Variants in TRIM62 observed in about 807,000 individuals in gnomAD.
TRIM62 encodes the protein tripartite motif containing 62.
A neutral mutation model predicts 44.2 loss-of-function variants in TRIM62; 39 were observed. The ratio of observed to expected loss-of-function variants is 0.88; its 90% CI spans 0.68 to 1.15. TRIM62 has a LOEUF of 1.15. Ranked by LOEUF, TRIM62 falls within the 50% of genes most tolerant of loss-of-function variation. TRIM62 has a pLI of 0.00. For missense variants in TRIM62, 544 were observed against 665.5 expected (o/e 0.82, Z 2.01); for synonymous variants, 278 against 292.3 (o/e 0.95, Z 0.50).
Position 33,146,080 on chromosome 1 carries a change from C to T in TRIM62, c.*1097G>A, listed in dbSNP as rs1433231404. 3 of 350,104 alleles carry T rather than the reference C, an allele frequency of 8.6e-6. No individual in the cohort carries two copies. Among genetic ancestry groups the T allele is most frequent in the East Asian group, 1.6e-4 (2 of 12,512 alleles). 21.7% of individuals were successfully genotyped at this position (350,104 alleles called of 1,614,324 possible). A position where few individuals can be genotyped will look rare whatever the true frequency, so the allele number is the denominator to read the frequency against. On this transcript the variant is annotated 3_prime_UTR_variant, in exon 5 of 5. Transcript: ENST00000291416. ...CATAGTGGCTTCCTGCAGATGGGGG[C>T]AGCTTTCCTGGTCACAACAGACATG...
In TRIM62 at chr1:33,181,311, C is replaced by G; in HGVS notation, c.122G>C (p.Arg41Pro). Residue 41 changes from arginine to proline, a missense_variant, in exon 1 of 5, where the codon CGG becomes CCG. By Grantham distance (103) the Arg-to-Pro change is moderately radical (BLOSUM62 -2). Transcript: ENST00000291416. The surrounding 1 kb of genome is among the most constrained non-coding windows in gnomAD (Gnocchi z 6.5). ...GTCGCGGGCGCCCTGCGCCTCCTGCCGCACCCAGTGCTCCGTGATGCAGCG... is the reference window on the plus strand; with the variant it reads ...GTCGCGGGCGCCCTGCGCCTCCTGCGGCACCCAGTGCTCCGTGATGCAGCG... Reference protein sequence around the residue: ...CRRCITEHWVRQEAQGARDCP... With the variant: ...CRRCITEHWVPQEAQGARDCP... 1 of 1,563,658 alleles carries G rather than the reference C, an allele frequency of 6.4e-7. No homozygotes were observed. Among genetic ancestry groups the G allele is most frequent in the South Asian group, 1.2e-5 (1 of 86,244 alleles).
At chr1:33,153,431 C>G (rs534116795) in intron 4 of TRIM62, among the ~76,000 whole-genome samples, 1 of 152,362 alleles carries the variant, frequency 6.6e-6, no homozygotes, top group East Asian at 1.9e-4. Flanking sequence ...CCAGGGACAT[C>G]TGGCAAAGTC....
In TRIM62 at chr1:33,147,301, A is replaced by C. The variant is rs747388545; in HGVS notation, c.1304T>G (p.Met435Arg). ...GLLIFYNADD[M>R]SWLYTFREKF... is the part of the protein sequence containing the mutation. ...CTCGCGGAAGGTGTAGAGCCAGGACATGTCATCAGCATTGTAGAAGATGAG... is the reference window on the plus strand; with the variant it reads ...CTCGCGGAAGGTGTAGAGCCAGGACCTGTCATCAGCATTGTAGAAGATGAG... Residue 435 changes from methionine (M) to arginine (R), a missense_variant, in exon 5 of 5, where the codon ATG becomes AGG. Transcript: ENST00000291416. The surrounding 1 kb of genome is among the most constrained non-coding windows in gnomAD (Gnocchi z 8.1). 1 of 1,614,102 alleles carries C rather than the reference A, an allele frequency of 6.2e-7. No homozygotes were observed. The highest frequency in any genetic ancestry group is 1.3e-5 in the African/African-American group (1 of 75,010).
At chr1:33,171,451 G>A (rs1219330229) in intron 1 of TRIM62, among the ~76,000 whole-genome samples, 1 of 152,202 alleles carries the variant, frequency 6.6e-6, no homozygotes, top group Non-Finnish European at 1.5e-5. Context: ...CAGCTAGTAA[G>A]AGGCAGAGGG....
intron 4 of TRIM62, among the ~76,000 whole-genome samples, chr1:33,153,241 G>A (rs550270366): frequency 6.6e-6 from 1 of 152,324 alleles, no homozygotes; most frequent in Non-Finnish European, 1.5e-5. Flanking sequence ...GAGCCAGACT[G>A]ACTTCACAGG....
chr1:33,147,184 C>T lies in TRIM62; in HGVS notation c.1421G>A (p.Arg474His), dbSNP rs780488792. ...NVQPLRINTVRI is the reference protein window; with the variant it reads ...NVQPLRINTVHI Reference sequence around the variant, plus strand: ...GGTCTCCTTCTGCCTGGACTAGATGCGGACGGTGTTGATCCGCAGCGGCTG... The same window carrying T: ...GGTCTCCTTCTGCCTGGACTAGATGTGGACGGTGTTGATCCGCAGCGGCTG... The change falls in exon 5 of 5, where the codon CGC (arginine) becomes CAC (histidine). Residue 474 changes from arginine (R) to histidine (H), a missense_variant. By Grantham distance (29) the Arg-to-His change is conservative (BLOSUM62 0). Transcript: ENST00000291416. This position sits in a 1 kb window ranked among gnomAD's most constrained non-coding sequence, Gnocchi z 8.1. The T allele has an allele frequency of 1.6e-5, 26 of 1,613,122 alleles. No homozygotes were observed. The highest frequency in any genetic ancestry group is 2.7e-5 in the African/African-American group (2 of 74,894).
intron 4 of TRIM62, among the ~76,000 whole-genome samples, chr1:33,152,307 C>G (rs189562238): frequency 6.6e-6 from 1 of 152,248 alleles, no homozygotes; most frequent in African/African-American, 2.4e-5. Flanking sequence ...GGCTCACGCC[C>G]GTAATTCCAG....
chr1:33,162,139 G>A (rs370339886), intron 2 of TRIM62, among the ~76,000 whole-genome samples: 9 of 152,148 alleles, frequency 5.9e-5, no homozygotes, highest in African/African-American at 2.2e-4. Flanking sequence ...TCCTTCTAAA[G>A]TGCCAACTGA....
intron 1 of TRIM62, among the ~76,000 whole-genome samples, chr1:33,175,973 G>T (rs1645416095): frequency 6.6e-6 from 1 of 152,172 alleles, no homozygotes; most frequent in African/African-American, 2.4e-5. Flanking sequence ...TGTGGCCCGT[G>T]CTCAGCAAAG....
At chr1:33,153,925 G>T (rs1259051140) in intron 4 of TRIM62, among the ~76,000 whole-genome samples, 1 of 152,234 alleles carries the variant, frequency 6.6e-6, no homozygotes, top group Non-Finnish European at 1.5e-5. Context: ...AGTCTAGTGA[G>T]TGAGACAGCC....
chr1:33,176,968 C>T (rs779579824), intron 1 of TRIM62, among the ~76,000 whole-genome samples: 25 of 152,164 alleles, frequency 1.6e-4, no homozygotes, highest in Admixed American at 2.6e-4. Context: ...GGCTCCTTCC[C>T]TCCACTTTGC....
At position 33,161,232 on chromosome 1, in the gene TRIM62, G is replaced by A. The variant is rs79505176; in HGVS notation, c.505-1288C>T. ...TTCCCGGAAGTCTTCATTGAGAGACGGGTTCTGAGCCGGGGCCTGAGGGAT... is the reference window on the plus strand; with the variant it reads ...TTCCCGGAAGTCTTCATTGAGAGACAGGTTCTGAGCCGGGGCCTGAGGGAT... On this transcript the variant is annotated intron_variant, in intron 2 of 4. Transcript: ENST00000291416. This position sits in a 1 kb window ranked among gnomAD's most constrained non-coding sequence, Gnocchi z 4.3. Among the ~76,000 whole-genome samples, 3,696 of 152,310 alleles carry A rather than the reference G, an allele frequency of 0.024. 79 individuals are homozygous for A. The highest frequency in any genetic ancestry group is 0.039 in the Non-Finnish European group (2,645 of 68,016).
chr1:33,159,915 G>A lies in TRIM62; in HGVS notation c.534C>T (p.Ile178=), dbSNP rs200901877. 14 of 1,607,374 alleles carry A rather than the reference G, an allele frequency of 8.7e-6. No homozygotes were observed. The highest frequency in any genetic ancestry group is 8.0e-5 in the African/African-American group (6 of 74,932). The part of the protein sequence containing the change: ...KSSTKSLRTT[I]GEAFERLHRL... ...GGTGCAGCCGCTCGAAGGCCTCGCC[G>A]ATAGTGGTCCGCAGGCTCTTGGTGG... is the stretch of plus-strand genomic sequence containing the variant. Residue 178 remains isoleucine, a synonymous_variant, in exon 3 of 5, where the codon ATC becomes ATT. Transcript: ENST00000291416. The surrounding 1 kb of genome is among the most constrained non-coding windows in gnomAD (Gnocchi z 4.2).
At chr1:33,175,312 G>A (rs1032994555) in intron 1 of TRIM62, among the ~76,000 whole-genome samples, 3 of 152,054 alleles carry the variant, frequency 2.0e-5, no homozygotes, top group African/African-American at 7.2e-5. Flanking sequence ...GAAGTGCTGG[G>A]ATTACAGGCG....
intron 4 of TRIM62, among the ~76,000 whole-genome samples, chr1:33,157,747 T>C (rs943882727): frequency 5.3e-5 from 8 of 151,752 alleles, no homozygotes; most frequent in Non-Finnish European, 1.5e-5. Flanking sequence ...ACCTATCTCA[T>C]GTTTTTTTTT....
At chr1:33,148,629 A>G (rs968099258) in intron 4 of TRIM62, among the ~76,000 whole-genome samples, 1 of 152,172 alleles carries the variant, frequency 6.6e-6, no homozygotes, top group Non-Finnish European at 1.5e-5. Flanking sequence ...ATTATTAATA[A>G]TTTCCTTCTA....
In TRIM62 at chr1:33,165,427, C is replaced by T; in HGVS notation, c.504+44G>A. Reference sequence around the variant, plus strand: ...CTGGCCCCGCCCCTCGAAGCCCTGCCCTCATCTCTGCCGGCCCCACCTCCG... The same window carrying T: ...CTGGCCCCGCCCCTCGAAGCCCTGCTCTCATCTCTGCCGGCCCCACCTCCG... On this transcript the variant is annotated intron_variant, in intron 2 of 4. Coordinates refer to ENST00000291416, the MANE Select transcript of TRIM62 (RefSeq NM_018207.3). This position sits in a 1 kb window ranked among gnomAD's most constrained non-coding sequence, Gnocchi z 4.0. 6.6e-7 allele frequency: 1 copy of T among 1,523,386 alleles called. No homozygotes were observed. The highest frequency in any genetic ancestry group is 2.5e-5 in the East Asian group (1 of 40,678). The allele number at this position is 1,523,386 out of a possible 1,614,324, so 94.4% of individuals were successfully genotyped here.
chr1:33,180,130 A>G (rs1021633667), intron 1 of TRIM62, among the ~76,000 whole-genome samples: 2 of 152,146 alleles, frequency 1.3e-5, no homozygotes, highest in Admixed American at 6.5e-5. Flanking sequence ...TTAGAGTTCT[A>G]TGCCAACTAT....
Position 33,174,996 on chromosome 1 carries a change from C to T in TRIM62, c.408+6029G>A, listed in dbSNP as rs1557762511. 9.5e-3 allele frequency among the ~76,000 whole-genome samples: 441 copies of T among 46,632 alleles called. 5 individuals are homozygous for T. Among genetic ancestry groups the T allele is most frequent in the African/African-American group, 0.038 (414 of 10,880 alleles). The allele number at this position is 46,632 out of a possible 152,430, so 30.6% of individuals were successfully genotyped here. ...ACACATATACATATATATGCACACA[C>T]ACATGTATGTATATGTATATGTATA... On this transcript the variant is annotated intron_variant, in intron 1 of 4. Transcript: ENST00000291416.
Sources: allele counts gnomAD v4.1 joint callset (sites outside exome capture counted in the v4.1 genomes callset), GRCh38; gene constraint gnomAD v4.1.1; non-coding constraint Gnocchi (gnomAD v3.1); transcripts MANE v1.5; gene names NCBI Gene and HGNC (gene_info 2026-07-23, HGNC 2026-07-21).